The following SPECC1L variants were observed in gnomAD, a reference collection of about 807,000 sequenced individuals.
SPECC1L encodes cytospin-A.
Under a neutral mutation model 116.8 loss-of-function variants are expected in SPECC1L, and 40 were observed. The observed-to-expected ratio is 0.34, with a 90% CI of 0.27 to 0.45. The LOEUF is 0.45. SPECC1L is among the 20% of genes least tolerant of loss of function. SPECC1L has a pLI of 1.00. For missense variants in SPECC1L, 1,110 were observed against 1,373.6 expected, an observed-to-expected ratio of 0.81 and a Z score of 3.03; for synonymous variants, 504 against 500.6, an observed-to-expected ratio of 1.01 and a Z score of -0.09.
chr22:24,299,486 G>A (rs1412441985), intron 2 of SPECC1L, among the ~76,000 whole-genome samples: 3 of 152,232 alleles, frequency 2.0e-5, no homozygotes, highest in Non-Finnish European at 4.4e-5. Context: ...CTAAGAACCA[G>A]CCGGTCTAAG....
intron 9 of SPECC1L, 124 bp downstream of exon 9, chr22:24,334,697 T>C: frequency 9.7e-7 from 1 of 1,035,612 alleles, no homozygotes; most frequent in South Asian, 1.3e-5. Context: ...CATATAGTAT[T>C]AATGCACTAG....
intron 8 of SPECC1L, 150 bp from the exon 9 acceptor site, chr22:24,334,260 C>T: frequency 1.4e-6 from 1 of 711,716 alleles, no homozygotes; most frequent in South Asian, 1.5e-5. Context: ...GATCCTCCTG[C>T]CTCGGCCTCC....
At chr22:24,325,595 A>C (rs971864514) in intron 6 of SPECC1L, among the ~76,000 whole-genome samples, 1 of 151,630 alleles carries the variant, frequency 6.6e-6, no homozygotes, top group Non-Finnish European at 1.5e-5. Flanking sequence ...GGTGACAGTA[A>C]TAAAAATGTA....
intron 10 of SPECC1L, 22 bp from the exon 11 acceptor site, chr22:24,347,064 G>A (rs199982353): frequency 7.1e-5 from 113 of 1,585,726 alleles, no homozygotes; most frequent in Non-Finnish European, 9.2e-5. Flanking sequence ...TAACTTTGAT[G>A]TTGTTTATCT....
chr22:24,350,511 A>T (rs1413494389), intron 11 of SPECC1L, among the ~76,000 whole-genome samples: 1 of 152,124 alleles, frequency 6.6e-6, no homozygotes, highest in Admixed American at 6.5e-5. Flanking sequence ...ATATGTGTGA[A>T]CTTTTTCTGA....
chr22:24,333,111 C>A (rs1017061797), intron 8 of SPECC1L, among the ~76,000 whole-genome samples: 4 of 152,020 alleles, frequency 2.6e-5, no homozygotes, highest in African/African-American at 9.7e-5. Flanking sequence ...GCCTGTAATC[C>A]CAGCTACTCG....
At chr22:24,319,921 T>C (rs1425623253) in intron 4 of SPECC1L, among the ~76,000 whole-genome samples, 1 of 151,866 alleles carries the variant, frequency 6.6e-6, no homozygotes, top group Non-Finnish European at 1.5e-5. Flanking sequence ...ATTTCTTAAG[T>C]ATTTACAGGT....
At chr22:24,405,580 C>T (rs1457765751) in intron 14 of SPECC1L, among the ~76,000 whole-genome samples, 4 of 152,116 alleles carry the variant, frequency 2.6e-5, no homozygotes, top group African/African-American at 9.7e-5. Flanking sequence ...TAGCTCACAC[C>T]TGTAATCCCA....
intron 14 of SPECC1L, among the ~76,000 whole-genome samples, chr22:24,378,217 A>G (rs768772621): frequency 2.2e-4 from 34 of 152,224 alleles, no homozygotes; most frequent in Non-Finnish European, 3.7e-4. Context: ...CTTCAATATC[A>G]TGAGCCAACC....
intron 8 of SPECC1L, among the ~76,000 whole-genome samples, chr22:24,331,759 T>C (rs2040943213): frequency 6.6e-6 from 1 of 152,234 alleles, no homozygotes; most frequent in Non-Finnish European, 1.5e-5. Context: ...AAGTGTAAAC[T>C]GTTGATGAAC....
At chr22:24,279,728 A>G (rs1332075677) in intron 2 of SPECC1L, among the ~76,000 whole-genome samples, 2 of 152,072 alleles carry the variant, frequency 1.3e-5, no homozygotes, top group Non-Finnish European at 2.9e-5. Flanking sequence ...GATTACAGGC[A>G]TGTGCCACCA....
chr22:24,352,698 C>T (rs2041450618), intron 11 of SPECC1L, among the ~76,000 whole-genome samples: 1 of 152,128 alleles, frequency 6.6e-6, no homozygotes, highest in African/African-American at 2.4e-5. Context: ...ATGAAAGTCC[C>T]AGGATAAAAT....
intron 11 of SPECC1L, among the ~76,000 whole-genome samples, chr22:24,357,388 T>G (rs1042750951): frequency 5.3e-5 from 8 of 152,218 alleles, no homozygotes; most frequent in African/African-American, 1.9e-4. Context: ...TAGTGAGACT[T>G]CATCTCTATA....
Position 24,415,104 on chromosome 22 carries a change from G to A in SPECC1L, c.*481G>A, listed in dbSNP as rs911971109. The stretch of plus-strand genomic sequence containing the variant: ...GAGTCAGCGCCTGGCAGTTCCCAGC[G>A]CCCTGGGCCCTTCACCGTCCTAGTT... On this transcript the variant is annotated 3_prime_UTR_variant, in exon 17 of 17. Transcript: ENST00000314328. 8 of 213,862 alleles carry A rather than the reference G, an allele frequency of 3.7e-5. No homozygotes were observed. Among genetic ancestry groups the A allele is most frequent in the Admixed American group, 5.2e-5 (1 of 19,252 alleles). 13.2% of individuals were successfully genotyped at this position (213,862 alleles called of 1,614,324 possible).
At chr22:24,388,765 A>G (rs1306180681) in intron 14 of SPECC1L, among the ~76,000 whole-genome samples, 1 of 142,620 alleles carries the variant, frequency 7.0e-6, no homozygotes. Context: ...TCAACAGCTT[A>G]TGGGCCTACC....
At chr22:24,275,215 A>G (rs182483785) in intron 1 of SPECC1L, among the ~76,000 whole-genome samples, 1 of 152,344 alleles carries the variant, frequency 6.6e-6, no homozygotes, top group East Asian at 1.9e-4. Flanking sequence ...CTTGACAGAA[A>G]GTTGTTGACT....
At chr22:24,309,385 AAC>A (rs1188814499) in intron 3 of SPECC1L, among the ~76,000 whole-genome samples, 1 of 152,092 alleles carries the variant, frequency 6.6e-6, no homozygotes, top group African/African-American at 2.4e-5. Context: ...AACTGTGAAA[AAC>A]AGTTTATCAA....
intron 14 of SPECC1L, among the ~76,000 whole-genome samples, chr22:24,376,397 C>T (rs2041972413): frequency 6.6e-6 from 1 of 152,192 alleles, no homozygotes; most frequent in South Asian, 2.1e-4. Context: ...GTTGAAGATG[C>T]AAGATCAGTA....
chr22:24,360,090 G>A (rs1246115491), intron 11 of SPECC1L, among the ~76,000 whole-genome samples: 1 of 152,200 alleles, frequency 6.6e-6, no homozygotes, highest in Non-Finnish European at 1.5e-5. Context: ...TTAATGAATG[G>A]ATTAAGACAA....
Sources: gnomAD v4.1 joint callset for allele counts (sites outside exome capture counted in the v4.1 genomes callset) on GRCh38, gnomAD v4.1.1 for gene constraint, MANE v1.5 for transcripts, NCBI Gene and HGNC (gene_info 2026-07-23, HGNC 2026-07-21) for gene names.